KCNIP4: variants seen among roughly 807,000 people sequenced by gnomAD.
The protein encoded by KCNIP4 is potassium voltage-gated channel interacting protein 4.
In KCNIP4, 12 loss-of-function variants were observed where a neutral mutation model predicts 34.0. That is an observed-to-expected ratio of 0.35 (90% CI 0.23 to 0.57). KCNIP4 has a LOEUF of 0.57. KCNIP4 is among the 20% of genes least tolerant of loss of function. KCNIP4 has a pLI of 0.83. For synonymous variants in KCNIP4, 124 were observed against 102.2 expected, an observed-to-expected ratio of 1.21 and a Z score of -1.29; for missense variants, 238 against 311.7, an observed-to-expected ratio of 0.76 and a Z score of 1.78.
chr4:21,521,889 C>A (rs1016002981), intron 1 of KCNIP4, among the ~76,000 whole-genome samples: 4 of 151,184 alleles, frequency 2.6e-5, no homozygotes, highest in Non-Finnish European at 5.9e-5. Context: ...GTGAATTGTA[C>A]AAAAGCATCC....
chr4:20,850,897 A>T (rs1720950331), intron 2 of KCNIP4: 2 of 389,896 alleles, frequency 5.1e-6, no homozygotes, highest in Middle Eastern at 1.4e-3. Context: ...TAGATATTAC[A>T]ACCCTAGCAT....
chr4:21,293,448 A>G (rs1001213043), intron 1 of KCNIP4, among the ~76,000 whole-genome samples: 5 of 152,160 alleles, frequency 3.3e-5, no homozygotes, highest in Non-Finnish European at 1.5e-5. Flanking sequence ...TTCTTAGCCA[A>G]TCCTTCGGGA....
intron 1 of KCNIP4, among the ~76,000 whole-genome samples, chr4:21,036,609 C>T (rs1380500903): frequency 6.6e-6 from 1 of 152,210 alleles, no homozygotes; most frequent in Admixed American, 6.5e-5. Context: ...GCCTGTAGTC[C>T]CAGCTACTTG....
At chr4:21,326,472 T>C in intron 1 of KCNIP4, among the ~76,000 whole-genome samples, 1 of 151,814 alleles carries the variant, frequency 6.6e-6, no homozygotes, top group Admixed American at 6.6e-5. Context: ...GTACCTTTTT[T>C]TTTCAGTCTA....
At chr4:21,814,618 C>T (rs1721881367) in intron 1 of KCNIP4, among the ~76,000 whole-genome samples, 2 of 152,102 alleles carry the variant, frequency 1.3e-5, no homozygotes, top group Non-Finnish European at 2.9e-5. Flanking sequence ...TGAGAAGAGA[C>T]TAATACACTG....
At chr4:20,732,838 G>A (rs923576779) in intron 6 of KCNIP4, 53 bp from the exon 7 acceptor site, 13 of 1,082,890 alleles carry the variant, frequency 1.2e-5, no homozygotes, top group East Asian at 2.4e-5. Context: ...GAAGAAACCA[G>A]TCTAAGAAGC....
intron 1 of KCNIP4, among the ~76,000 whole-genome samples, chr4:21,617,711 A>C (rs1744701634): frequency 6.6e-6 from 1 of 152,200 alleles, no homozygotes; most frequent in African/African-American, 2.4e-5. Flanking sequence ...GGATTAGAGA[A>C]TGTTTTATTC....
intron 1 of KCNIP4, among the ~76,000 whole-genome samples, chr4:21,819,449 G>C (rs191163876): frequency 6.6e-6 from 1 of 152,088 alleles, no homozygotes; most frequent in Non-Finnish European, 1.5e-5. Flanking sequence ...TTTCCTTCAC[G>C]TGTAACCTGA....
At chr4:21,939,568 T>C (rs2109017858) in intron 1 of KCNIP4, among the ~76,000 whole-genome samples, 1 of 152,260 alleles carries the variant, frequency 6.6e-6, no homozygotes, top group Admixed American at 6.5e-5. Context: ...GTCCCCAAGA[T>C]TTTCCTCCCC....
At chr4:21,256,159 A>C (rs1761049494) in intron 1 of KCNIP4, among the ~76,000 whole-genome samples, 1 of 152,232 alleles carries the variant, frequency 6.6e-6, no homozygotes, top group African/African-American at 2.4e-5. Flanking sequence ...TCCAAGTCCT[A>C]AATGATGACA....
intron 1 of KCNIP4, among the ~76,000 whole-genome samples, chr4:21,910,642 A>G (rs1441385084): frequency 6.6e-6 from 1 of 152,246 alleles, no homozygotes; most frequent in Admixed American, 6.5e-5. Context: ...GGGAAAAATC[A>G]AAGCCATAAG....
chr4:21,635,370 G>A (rs576145291), intron 1 of KCNIP4, among the ~76,000 whole-genome samples: 5 of 152,156 alleles, frequency 3.3e-5, no homozygotes, highest in African/African-American at 4.8e-5. Context: ...GAAGGATGGC[G>A]ACTACAAAGA....
intron 1 of KCNIP4, chr4:21,849,961 G>A (rs1362871952): frequency 6.6e-6 from 1 of 151,926 alleles, no homozygotes; most frequent in Non-Finnish European, 1.5e-5. Flanking sequence ...TGCTAAAAAA[G>A]AAAAATGGGC....
chr4:20,898,783 T>C (rs571976239), intron 1 of KCNIP4, among the ~76,000 whole-genome samples: 1 of 152,266 alleles, frequency 6.6e-6, no homozygotes, highest in South Asian at 2.1e-4. Context: ...TATCTATCTA[T>C]CTCTATCTCA....
chr4:21,733,434 T>C (rs1249895499), intron 1 of KCNIP4, among the ~76,000 whole-genome samples: 1 of 152,144 alleles, frequency 6.6e-6, no homozygotes, highest in African/African-American at 2.4e-5. Context: ...TGTATACAGA[T>C]ACACACACAC....
chr4:20,881,909 C>T (rs1724730120), intron 2 of KCNIP4, among the ~76,000 whole-genome samples: 1 of 152,182 alleles, frequency 6.6e-6, no homozygotes, highest in Non-Finnish European at 1.5e-5. Flanking sequence ...ACATCAAATC[C>T]TTCCTGAACT....
chr4:21,800,083 T>G (rs977303235), intron 1 of KCNIP4, among the ~76,000 whole-genome samples: 3 of 152,232 alleles, frequency 2.0e-5, no homozygotes, highest in Admixed American at 6.5e-5. Context: ...GCTAAGCTTA[T>G]AGAAAAATCC....
chr4:21,869,526 C>A (rs1725633153), intron 1 of KCNIP4, among the ~76,000 whole-genome samples: 1 of 152,124 alleles, frequency 6.6e-6, no homozygotes, highest in African/African-American at 2.4e-5. Flanking sequence ...TTTCAAGTCC[C>A]CTATTTCTTC....
At chr4:21,875,305 G>A (rs1354986950) in intron 1 of KCNIP4, among the ~76,000 whole-genome samples, 2 of 152,110 alleles carry the variant, frequency 1.3e-5, no homozygotes, top group African/African-American at 4.8e-5. Flanking sequence ...AAATAGAGCT[G>A]ATTCTTCATT....
Sources: gnomAD v4.1 joint callset for allele counts (sites outside exome capture counted in the v4.1 genomes callset) on GRCh38, gnomAD v4.1.1 for gene constraint, MANE v1.5 for transcripts, NCBI Gene and HGNC (gene_info 2026-07-23, HGNC 2026-07-21) for gene names.